KIAA0513: variants seen among roughly 807,000 people sequenced by gnomAD.
KIAA0513 encodes the protein KIAA0513.
KIAA0513 carries 39 observed loss-of-function variants against 56.5 expected under a neutral mutation model. The ratio of observed to expected loss-of-function variants is 0.69; its 90% CI spans 0.53 to 0.90. KIAA0513 has a LOEUF of 0.90. Ranked by LOEUF, KIAA0513 falls within the 40% of genes least tolerant of loss-of-function variation. The probability of loss-of-function intolerance (pLI) is 0.00; values close to 1 mark genes in which losing one functional copy is unlikely to be tolerated. For synonymous variants in KIAA0513, 268 were observed against 215.6 expected, an observed-to-expected ratio of 1.24 and a Z score of -2.13; for missense variants, 591 against 535.2, an observed-to-expected ratio of 1.10 and a Z score of -1.03.
chr16:85,070,945 C>T (rs1034412465), intron 2 of KIAA0513, among the ~76,000 whole-genome samples: 1 of 152,202 alleles, frequency 6.6e-6, no homozygotes, highest in Non-Finnish European at 1.5e-5. Context: ...GAAATTACTG[C>T]AAAAGCCTGC....
At chr16:85,049,612 G>T (rs2073220463) in intron 1 of KIAA0513, among the ~76,000 whole-genome samples, 1 of 152,086 alleles carries the variant, frequency 6.6e-6, no homozygotes, top group Non-Finnish European at 1.5e-5. Flanking sequence ...TCTCTCTCTT[G>T]CTCCAGCTCC....
intron 1 of KIAA0513, among the ~76,000 whole-genome samples, chr16:85,057,746 G>C (rs1788256595): frequency 6.6e-6 from 1 of 151,930 alleles, no homozygotes; most frequent in African/African-American, 2.4e-5. Flanking sequence ...CCACTGGAGA[G>C]GCTGCCTCTG....
chr16:85,054,789 T>C (rs1394277025), intron 1 of KIAA0513, among the ~76,000 whole-genome samples: 1 of 152,034 alleles, frequency 6.6e-6, no homozygotes, highest in Non-Finnish European at 1.5e-5. Context: ...TCCCAGAATG[T>C]GCCATCCATT....
chr16:85,055,304 T>C (rs1051017937), intron 1 of KIAA0513, among the ~76,000 whole-genome samples: 2 of 152,136 alleles, frequency 1.3e-5, no homozygotes, highest in Non-Finnish European at 2.9e-5. Context: ...GACAGTACCA[T>C]GATGGGCTGG....
chr16:85,087,110 A>G lies in KIAA0513; in HGVS notation c.1130A>G (p.Lys377Arg). Residue 377 changes from lysine (K) to arginine (R), a missense_variant, in exon 12 of 13, where the codon AAG (lysine) becomes AGG (arginine). Lys to Arg is a conservative substitution (Grantham distance 26). Coordinates refer to ENST00000683363, the MANE Select transcript of KIAA0513 (RefSeq NM_001388359.1). ...THNMLAFGLN[K>R]KLCNDFLKKQ... ...AACATGCTGGCCTTTGGACTGAACA[A>G]GAAGCTGTGCAATGACTTCCTGAAG... 1 of 1,614,226 alleles carries G rather than the reference A, an allele frequency of 6.2e-7. No individual in the cohort carries two copies. The highest frequency in any genetic ancestry group is 8.5e-7 in the Non-Finnish European group (1 of 1,180,032).
intron 3 of KIAA0513, 152 bp from the exon 4 acceptor site, chr16:85,072,773 A>C: frequency 1.4e-6 from 1 of 701,924 alleles, no homozygotes; most frequent in South Asian, 1.7e-5. Context: ...TCCTGGCAGA[A>C]GGGGTGGGTT....
At chr16:85,045,758 G>C (rs181192663) in intron 1 of KIAA0513, among the ~76,000 whole-genome samples, 185 of 152,354 alleles carry the variant, frequency 1.2e-3, no homozygotes, top group African/African-American at 4.4e-3. Context: ...ACCAGGTTCT[G>C]CTCTGTGCGT....
intron 1 of KIAA0513, among the ~76,000 whole-genome samples, chr16:85,031,811 G>A (rs2072968520): frequency 2.0e-5 from 3 of 152,058 alleles, no homozygotes; most frequent in Admixed American, 2.0e-4. Context: ...TCTGATCCCT[G>A]CCCACTCACT....
At position 85,067,107 on chromosome 16, in the gene KIAA0513, C is replaced by T. The variant is rs200911457; in HGVS notation, c.36C>T (p.Ile12=). 1.8e-4 allele frequency: 288 copies of T among 1,606,178 alleles called. 2 individuals are homozygous for T. The East Asian group carries it at 4.2e-3, about 24-fold the overall frequency. ...CAGAGGTCCCCGTGGGCTCGCTAAT[C>T]GACTTTGGGCCTGAGGCACCCACCT... ...ETPEVPVGSL[I]DFGPEAPTSS... is the part of the protein sequence containing the mutation. Residue 12 remains isoleucine, a synonymous_variant, in exon 2 of 13, where the codon ATC becomes ATT. Transcript: ENST00000683363.
Position 85,062,089 on chromosome 16 carries a change from A to G in KIAA0513, c.-172-4811A>G, listed in dbSNP as rs1285438469. Among the ~76,000 whole-genome samples the G allele has an allele frequency of 3.3e-5, 5 of 152,202 alleles. No individual in the cohort carries two copies. In the South Asian group the frequency reaches 6.2e-4, roughly 19 times the overall value. On this transcript the variant is annotated intron_variant, in intron 1 of 12. Coordinates refer to ENST00000683363, the MANE Select transcript of KIAA0513 (RefSeq NM_001388359.1). The stretch of plus-strand genomic sequence containing the variant: ...TCCCCGTCCAAAGAAGCCACTTCTC[A>G]GCCCTCTCAGGACCATCACCTTCAG...
intron 10 of KIAA0513, among the ~76,000 whole-genome samples, chr16:85,084,056 ATTTT>A (rs66814882): frequency 5.7e-5 from 4 of 70,754 alleles, no homozygotes; most frequent in Admixed American, 1.7e-4. Flanking sequence ...AACTCTTCTA[ATTTT>A]TTTTTTTTTT....
At chr16:85,045,105 G>A (rs1470592275) in intron 1 of KIAA0513, among the ~76,000 whole-genome samples, 2 of 151,974 alleles carry the variant, frequency 1.3e-5, no homozygotes, top group Admixed American at 6.5e-5. Flanking sequence ...GGGACAGAGC[G>A]AGACTCCGTC....
chr16:85,089,564 C>G lies in KIAA0513; in HGVS notation c.*1239C>G, dbSNP rs575224444. The G allele has an allele frequency of 2.3e-4, 35 of 152,688 alleles. No individual in the cohort carries two copies. The highest frequency in any genetic ancestry group is 8.2e-4 in the African/African-American group (34 of 41,590). 9.5% of individuals were successfully genotyped at this position (152,688 alleles called of 1,614,324 possible). A position where few individuals can be genotyped will look rare whatever the true frequency, so the allele number is the denominator to read the frequency against. On this transcript the variant is annotated 3_prime_UTR_variant, in exon 13 of 13. Transcript: ENST00000683363. This position sits in a 1 kb window ranked among gnomAD's most constrained non-coding sequence, Gnocchi z 4.2. ...TCTGTTTCACCGTGCGTGGACACTG[C>G]TAGGCCGCCTGGGGTCCCCTGCCTC...
intron 8 of KIAA0513, among the ~76,000 whole-genome samples, chr16:85,080,599 GC>G (rs1231648060): frequency 1.3e-5 from 2 of 152,116 alleles, no homozygotes; most frequent in Non-Finnish European, 2.9e-5. Context: ...CTCGAGACCA[GC>G]CTGGTCAACA....
intron 1 of KIAA0513, among the ~76,000 whole-genome samples, chr16:85,056,492 C>T (rs2073331337): frequency 6.6e-6 from 1 of 152,194 alleles, no homozygotes; most frequent in African/African-American, 2.4e-5. Context: ...CTGACTTTCT[C>T]CATGTGGGTC....
chr16:85,080,152 G>A (rs987063210), intron 8 of KIAA0513, among the ~76,000 whole-genome samples: 7 of 139,564 alleles, frequency 5.0e-5, no homozygotes, highest in Admixed American at 3.5e-4. Context: ...CCCTTGAGGA[G>A]GCTGGACCCG....
chr16:85,031,445 C>T (rs888205847), intron 1 of KIAA0513, among the ~76,000 whole-genome samples: 1 of 152,182 alleles, frequency 6.6e-6, no homozygotes, highest in Non-Finnish European at 1.5e-5. Context: ...GAATGTACCA[C>T]TGCACCCCAG....
intron 2 of KIAA0513, among the ~76,000 whole-genome samples, chr16:85,069,147 C>T (rs1159648141): frequency 6.6e-6 from 1 of 152,008 alleles, no homozygotes; most frequent in Non-Finnish European, 1.5e-5. Context: ...CTTCCCACCG[C>T]AGCCTCCCGA....
intron 6 of KIAA0513, 87 bp from the exon 7 acceptor site, chr16:85,078,328 C>A: frequency 7.0e-7 from 1 of 1,436,208 alleles, no homozygotes. Context: ...GTACCCAGTC[C>A]CACCTTAGAA....
Sources: allele counts gnomAD v4.1 joint callset (sites outside exome capture counted in the v4.1 genomes callset), GRCh38; gene constraint gnomAD v4.1.1; non-coding constraint Gnocchi (gnomAD v3.1); transcripts MANE v1.5; gene names NCBI Gene and HGNC (gene_info 2026-07-23, HGNC 2026-07-21).